The following LGR5 variants were observed in gnomAD, a reference collection of about 807,000 sequenced individuals.
LGR5 encodes leucine rich repeat containing G protein-coupled receptor 5, also known as leucine-rich repeat-containing G protein-coupled receptor 5.
In LGR5, 54 loss-of-function variants were observed where a neutral mutation model predicts 76.7. The observed-to-expected ratio is 0.70, with a 90% confidence interval of 0.57 to 0.88. The LOEUF (loss-of-function observed/expected upper bound fraction) is 0.88. Among genes scored for constraint, LGR5 ranks in the 40% least tolerant of loss-of-function variants. The pLI is 0.00. For missense variants in LGR5, 1,078 were observed against 1,073.3 expected (o/e 1.00, Z -0.06); for synonymous variants, 406 against 421.9 (o/e 0.96, Z 0.46).
intron 4 of LGR5, among the ~76,000 whole-genome samples, chr12:71,547,822 G>C (rs930755480): frequency 3.9e-5 from 6 of 152,256 alleles, no homozygotes; most frequent in African/African-American, 1.4e-4. Context: ...TGCCAGGCTG[G>C]TCTTGAACTC....
chr12:71,447,352 C>T (rs1028575767), intron 1 of LGR5, among the ~76,000 whole-genome samples: 1 of 152,056 alleles, frequency 6.6e-6, no homozygotes, highest in Non-Finnish European at 1.5e-5. Context: ...TTCCTCAGTC[C>T]CTTGATTCAG....
At chr12:71,558,869 G>C (rs1340652667) in intron 6 of LGR5, among the ~76,000 whole-genome samples, 1 of 152,200 alleles carries the variant, frequency 6.6e-6, no homozygotes, top group African/African-American at 2.4e-5. Context: ...AGCCAATTGT[G>C]CTATAACAGA....
At chr12:71,442,328 CCTATCTATCTATAGATAGAA>C (rs1219288838) in intron 1 of LGR5, among the ~76,000 whole-genome samples, 4 of 152,146 alleles carry the variant, frequency 2.6e-5, no homozygotes, top group African/African-American at 9.6e-5. Flanking sequence ...GCCAATGTTC[CCTATCTATCTATAGATAGAA>C]CAATCTATCT....
intron 1 of LGR5, among the ~76,000 whole-genome samples, chr12:71,460,093 T>C (rs1477685084): frequency 1.3e-5 from 2 of 152,036 alleles, no homozygotes; most frequent in African/African-American, 4.8e-5. Context: ...GAGGGTCATG[T>C]TTGCCCTGCT....
At chr12:71,533,795 T>C (rs1476115595) in intron 3 of LGR5, among the ~76,000 whole-genome samples, 1 of 152,206 alleles carries the variant, frequency 6.6e-6, no homozygotes, top group Non-Finnish European at 1.5e-5. Context: ...CGCTGAGGCA[T>C]AGAGAGATTT....
At chr12:71,469,356 A>G (rs1244970569) in intron 1 of LGR5, among the ~76,000 whole-genome samples, 1 of 152,208 alleles carries the variant, frequency 6.6e-6, no homozygotes, top group Non-Finnish European at 1.5e-5. Flanking sequence ...TCTCGAGGTG[A>G]TTTCATAAAC....
chr12:71,520,201 T>C (rs1375813321), intron 2 of LGR5, among the ~76,000 whole-genome samples: 1 of 152,210 alleles, frequency 6.6e-6, no homozygotes, highest in Non-Finnish European at 1.5e-5. Context: ...ATACCTACAA[T>C]GGTACATTAT....
In LGR5 at chr12:71,525,902, T is replaced by C. The variant is rs569887309; in HGVS notation, c.356+1425T>C. On this transcript the variant is annotated intron_variant, in intron 3 of 17. Coordinates refer to ENST00000266674, the MANE Select transcript of LGR5 (RefSeq NM_003667.4). ...TATACAAGTCTTATACTAATTTTTC[T>C]ATCATATTTTTATATTTTATATTAA... Among the ~76,000 whole-genome samples, 63 of 151,598 alleles carry C rather than the reference T, an allele frequency of 4.2e-4. No individual in the cohort carries two copies. In the Middle Eastern group the frequency reaches 0.01, roughly 25 times the overall value.
intron 1 of LGR5, among the ~76,000 whole-genome samples, chr12:71,443,130 A>G (rs1365577625): frequency 6.9e-6 from 1 of 145,416 alleles, no homozygotes; most frequent in Non-Finnish European, 1.5e-5. Context: ...CTTTTCTTCA[A>G]ACAGATTGAT....
intron 3 of LGR5, among the ~76,000 whole-genome samples, chr12:71,531,519 T>C (rs1029611784): frequency 1.3e-5 from 2 of 152,192 alleles, no homozygotes; most frequent in Non-Finnish European, 2.9e-5. Context: ...GGTGTTTTAC[T>C]GGTAGACGTA....
intron 1 of LGR5, among the ~76,000 whole-genome samples, chr12:71,455,262 G>A (rs1209447050): frequency 6.6e-6 from 1 of 152,164 alleles, no homozygotes; most frequent in Non-Finnish European, 1.5e-5. Flanking sequence ...CTGGCAAGAT[G>A]CATATCCTCC....
At chr12:71,535,053 T>G in intron 3 of LGR5, 62 bp from the exon 4 acceptor site, 1 of 1,160,382 alleles carries the variant, frequency 8.6e-7, no homozygotes, top group Non-Finnish European at 1.3e-6. Context: ...GTGCCTGGCC[T>G]TGTTTAGGCC....
intron 1 of LGR5, among the ~76,000 whole-genome samples, chr12:71,493,130 A>G (rs74101852): frequency 0.024 from 3,662 of 151,330 alleles, 365 homozygotes; most frequent in African/African-American, 0.086. Flanking sequence ...ATTTCTTTTT[A>G]TTTGTATACA....
At chr12:71,522,336 A>T (rs936715447) in intron 2 of LGR5, among the ~76,000 whole-genome samples, 3 of 152,206 alleles carry the variant, frequency 2.0e-5, no homozygotes, top group Non-Finnish European at 4.4e-5. Flanking sequence ...GGAAGGTCAG[A>T]GTTAGTGTCT....
chr12:71,472,040 T>G (rs1183747547), intron 1 of LGR5, among the ~76,000 whole-genome samples: 1 of 152,056 alleles, frequency 6.6e-6, no homozygotes, highest in Non-Finnish European at 1.5e-5. Context: ...GACGACACAT[T>G]GGGTACAGTG....
intron 3 of LGR5, among the ~76,000 whole-genome samples, chr12:71,526,846 A>AT (rs1876031882): frequency 6.6e-6 from 1 of 152,140 alleles, no homozygotes; most frequent in African/African-American, 2.4e-5. Context: ...ACAACTAGGA[A>AT]TTAGCCACCC....
intron 10 of LGR5, 68 bp from the exon 11 acceptor site, chr12:71,566,773 A>G (rs1878367570): frequency 6.4e-7 from 1 of 1,571,854 alleles, no homozygotes; most frequent in Non-Finnish European, 8.8e-7. Context: ...TCTTAACATC[A>G]GTGAGTCAAA....
chr12:71,485,344 C>G (rs1873780176), intron 1 of LGR5, among the ~76,000 whole-genome samples: 3 of 151,984 alleles, frequency 2.0e-5, no homozygotes. Context: ...TGAAGAATAC[C>G]AGACCAACAG....
At chr12:71,444,441 C>T (rs1417845179) in intron 1 of LGR5, among the ~76,000 whole-genome samples, 2 of 152,000 alleles carry the variant, frequency 1.3e-5, no homozygotes, top group African/African-American at 2.4e-5. Flanking sequence ...GTAGTGAGCT[C>T]ATTCAAACAA....
Sources: allele counts gnomAD v4.1 joint callset (sites outside exome capture counted in the v4.1 genomes callset), GRCh38; gene constraint gnomAD v4.1.1; transcripts MANE v1.5; gene names NCBI Gene and HGNC (gene_info 2026-07-23, HGNC 2026-07-21).